The following MBNL2 variants were observed in gnomAD, a reference collection of about 807,000 sequenced individuals.
MBNL2 encodes muscleblind-like protein 2.
A neutral mutation model predicts 41.9 loss-of-function variants in MBNL2; 17 were observed. The ratio of observed to expected loss-of-function variants is 0.41; its 90% CI spans 0.28 to 0.61. The LOEUF (loss-of-function observed/expected upper bound fraction) is 0.61, where lower values mean the gene tolerates loss of function less well. Among genes scored for constraint, MBNL2 ranks in the 20% least tolerant of loss-of-function variants. MBNL2 has a pLI of 0.35. For synonymous variants in MBNL2, 195 were observed against 182.9 expected (o/e 1.07, Z -0.53); for missense variants, 336 against 505.6 (o/e 0.66, Z 3.22).
intron 8 of MBNL2, among the ~76,000 whole-genome samples, chr13:97,386,079 G>A (rs1300503830): frequency 6.6e-6 from 1 of 152,198 alleles, no homozygotes; most frequent in Non-Finnish European, 1.5e-5. Context: ...TTCTTTTTAG[G>A]TAGAGGGTGC....
At chr13:97,218,445 A>AAAAC (rs60251196), upstream of MBNL2, among the ~76,000 whole-genome samples, 13 of 69,362 alleles carry the variant, frequency 1.9e-4, no homozygotes, top group East Asian at 5.5e-4. Flanking sequence ...CAAAACAAAA[A>AAAAC]AAAAAAACTG....
the MBNL2 span, among the ~76,000 whole-genome samples, chr13:97,161,534 G>T: frequency 6.6e-6 from 1 of 152,128 alleles, no homozygotes; most frequent in Non-Finnish European, 1.5e-5. Flanking sequence ...CTTGGGCTCA[G>T]TTTCAGGATA....
At chr13:97,341,146 C>T (rs984797641) in intron 3 of MBNL2, among the ~76,000 whole-genome samples, 11 of 152,152 alleles carry the variant, frequency 7.2e-5, no homozygotes, top group African/African-American at 1.9e-4. Flanking sequence ...ACTATTTTTA[C>T]TCCTCACATA....
At chr13:97,145,153 G>A in the MBNL2 span, among the ~76,000 whole-genome samples, 5 of 152,138 alleles carry the variant, frequency 3.3e-5, no homozygotes, top group Non-Finnish European at 7.3e-5. Flanking sequence ...ATCAGCCTGG[G>A]TCCCTGAACA....
the MBNL2 span, among the ~76,000 whole-genome samples, chr13:97,166,541 C>A: frequency 2.6e-5 from 4 of 151,994 alleles, no homozygotes; most frequent in African/African-American, 9.7e-5. Context: ...TGGGTGGGCA[C>A]CATCTAATCA....
intron 1 of MBNL2, among the ~76,000 whole-genome samples, chr13:97,270,794 TGTG>T (rs1401482943): frequency 6.6e-6 from 1 of 152,172 alleles, no homozygotes; most frequent in Non-Finnish European, 1.5e-5. Flanking sequence ...CATGCTGAAA[TGTG>T]GTCTAGCCCA....
the MBNL2 span, among the ~76,000 whole-genome samples, chr13:97,201,015 T>C: frequency 6.6e-6 from 1 of 152,044 alleles, no homozygotes; most frequent in South Asian, 2.1e-4. Context: ...CAGACCCTCT[T>C]CTCCCTCTGA....
Position 97,391,266 on chromosome 13 carries a change from CATT to C in MBNL2, c.1049-52_1049-50del. ...ATTTTTGAAGAGTAAAACTTAAACT[CATT>C]ATTTTTCCTCCCAGAAGGATACCTA... On this transcript the variant is annotated intron_variant, in intron 8 of 8. Transcript: ENST00000679496. 3 of 788,862 alleles carry C rather than the reference CATT, an allele frequency of 3.8e-6. No homozygotes were observed. In the South Asian group the frequency reaches 4.3e-5, roughly 11 times the overall value. The allele number at this position is 788,862 out of a possible 1,614,324, so 48.9% of individuals were successfully genotyped here. A position where few individuals can be genotyped will look rare whatever the true frequency, so the allele number is the denominator to read the frequency against.
chr13:97,154,912 A>T, the MBNL2 span, among the ~76,000 whole-genome samples: 1 of 152,056 alleles, frequency 6.6e-6, no homozygotes, highest in Admixed American at 6.6e-5. Context: ...ACCAATATTG[A>T]GTACTGCACA....
At chr13:97,275,113 T>A (rs1238431952) in intron 1 of MBNL2, among the ~76,000 whole-genome samples, 1 of 152,240 alleles carries the variant, frequency 6.6e-6, no homozygotes, top group African/African-American at 2.4e-5. Flanking sequence ...AGTATTAAGA[T>A]ACCTGAGAAA....
intron 2 of MBNL2, among the ~76,000 whole-genome samples, chr13:97,333,070 G>T (rs1216702670): frequency 6.6e-6 from 1 of 152,178 alleles, no homozygotes; most frequent in Non-Finnish European, 1.5e-5. Context: ...AACTCCAGAT[G>T]TTTAGAATTA....
chr13:97,368,812 G>C (rs2064103952), intron 8 of MBNL2, among the ~76,000 whole-genome samples: 1 of 151,992 alleles, frequency 6.6e-6, no homozygotes, highest in African/African-American at 2.4e-5. Flanking sequence ...CTTTCAGGAA[G>C]GGTGCGAGTG....
the MBNL2 span, among the ~76,000 whole-genome samples, chr13:97,147,803 G>C: frequency 6.6e-6 from 1 of 152,166 alleles, no homozygotes; most frequent in African/African-American, 2.4e-5. Context: ...TTCATGGTCT[G>C]AAGGCAAGAG....
chr13:97,247,658 ATTTTC>A (rs1276452630), intron 1 of MBNL2, among the ~76,000 whole-genome samples: 1 of 152,198 alleles, frequency 6.6e-6, no homozygotes, highest in Non-Finnish European at 1.5e-5. Flanking sequence ...GAACTCTAAT[ATTTTC>A]TTTAGTGCGT....
the MBNL2 span, among the ~76,000 whole-genome samples, chr13:97,200,763 T>C: frequency 5.3e-5 from 8 of 152,284 alleles, no homozygotes; most frequent in South Asian, 1.7e-3. Context: ...TTAAACTAAG[T>C]AGGCTTATTG....
At chr13:97,199,659 C>T in the MBNL2 span, among the ~76,000 whole-genome samples, 9 of 152,296 alleles carry the variant, frequency 5.9e-5, no homozygotes, top group South Asian at 2.1e-4. Context: ...GCCTCTGATC[C>T]GTATCTCATG....
chr13:97,144,946 T>C, the MBNL2 span, among the ~76,000 whole-genome samples: 1 of 152,208 alleles, frequency 6.6e-6, no homozygotes, highest in Non-Finnish European at 1.5e-5. Context: ...GAATTTCAAA[T>C]ATTTGAACCC....
chr13:97,189,416 G>A, the MBNL2 span, among the ~76,000 whole-genome samples: 1 of 152,182 alleles, frequency 6.6e-6, no homozygotes, highest in Non-Finnish European at 1.5e-5. Context: ...GGTAGATGGA[G>A]TACATTTTAG....
At chr13:97,324,851 G>A (rs2059788089) in intron 2 of MBNL2, among the ~76,000 whole-genome samples, 1 of 152,168 alleles carries the variant, frequency 6.6e-6, no homozygotes, top group Non-Finnish European at 1.5e-5. Context: ...ATCCTGCATG[G>A]GAGAAACATG....
Sources: gnomAD v4.1 joint callset for allele counts (sites outside exome capture counted in the v4.1 genomes callset) on GRCh38, gnomAD v4.1.1 for gene constraint, MANE v1.5 for transcripts, NCBI Gene and HGNC (gene_info 2026-07-23, HGNC 2026-07-21) for gene names.